The following ANO1 variants were observed in gnomAD, a reference collection of about 807,000 sequenced individuals.
ANO1 encodes the protein anoctamin-1.
ANO1 carries 59 observed loss-of-function variants against 124.0 expected under a neutral mutation model. That is an observed-to-expected ratio of 0.48 (90% CI 0.39 to 0.59). The LOEUF is 0.59. Ranked by LOEUF, ANO1 falls within the 20% of genes least tolerant of loss-of-function variation. The probability of loss-of-function intolerance (pLI) is 0.00; values close to 1 mark genes in which losing one functional copy is unlikely to be tolerated. For missense variants in ANO1, 1,059 were observed against 1,328.0 expected (o/e 0.80, Z 3.15); for synonymous variants, 529 against 532.0 (o/e 0.99, Z 0.08).
At chr11:70,141,376 G>C (rs561511037) in intron 11 of ANO1, among the ~76,000 whole-genome samples, 196 of 152,254 alleles carry the variant, frequency 1.3e-3, no homozygotes, top group African/African-American at 4.5e-3. Context: ...GGGAGTGGGG[G>C]ACTCTGTGCC....
At position 69,993,162 on chromosome 11, in the gene ANO1, C is replaced by T. The variant is rs535505428; in HGVS notation, c.58+6996C>T. ...CAGCCACCCCCTCCTGAGACAGCGC[C>T]CTGTCTTCAGCTGCACCCTTGTTTG... On this transcript the variant is annotated intron_variant, in intron 1 of 27. Transcript: ENST00000531349. Among the ~76,000 whole-genome samples the T allele has an allele frequency of 3.9e-5, 6 of 152,344 alleles. No homozygotes were observed. In the South Asian group the frequency reaches 1.2e-3, roughly 32 times the overall value.
Position 70,185,821 on chromosome 11 carries a change from G to A in ANO1, c.2694+126G>A, listed in dbSNP as rs1022122000. The A allele has an allele frequency of 1.3e-5, 14 of 1,063,148 alleles. No individual in the cohort carries two copies. The Admixed American group carries it at 3.2e-4, about 25-fold the overall frequency. 65.9% of individuals were successfully genotyped at this position (1,063,148 alleles called of 1,614,324 possible). On this transcript the variant is annotated intron_variant, in intron 25 of 25. Transcript: ENST00000355303. The stretch of plus-strand genomic sequence containing the variant: ...TCAGAGACTCCTCCAGAGGCTTGGA[G>A]AACTTGCTCTGGGACACCCGAGGAG...
intron 7 of ANO1, among the ~76,000 whole-genome samples, chr11:70,113,011 G>C (rs560010487): frequency 2.2e-3 from 329 of 152,268 alleles, no homozygotes; most frequent in African/African-American, 7.6e-3. Flanking sequence ...TCGCCTCCCT[G>C]TCAGGGCCTC....
chr11:69,970,804 C>T, the ANO1 span, among the ~76,000 whole-genome samples: 4 of 152,230 alleles, frequency 2.6e-5, no homozygotes, highest in Non-Finnish European at 5.9e-5. Flanking sequence ...ATGCAGTCAT[C>T]GGACACCCTG....
chr11:69,971,535 T>G, the ANO1 span, among the ~76,000 whole-genome samples: 1 of 152,312 alleles, frequency 6.6e-6, no homozygotes, highest in South Asian at 2.1e-4. Flanking sequence ...GAAAAAAACT[T>G]TTCATTTTTT....
chr11:70,046,903 G>A (rs1857267920), intron 1 of ANO1, among the ~76,000 whole-genome samples: 1 of 151,896 alleles, frequency 6.6e-6, no homozygotes, highest in South Asian at 2.1e-4. Context: ...GTGAAACCCT[G>A]TCTCTACTAA....
At chr11:69,990,115 C>A (rs1470637441) in intron 1 of ANO1, among the ~76,000 whole-genome samples, 1 of 152,164 alleles carries the variant, frequency 6.6e-6, no homozygotes, top group Non-Finnish European at 1.5e-5. Flanking sequence ...AGTAGGAATT[C>A]TGTATCCATT....
rs2047640176 is a variant in ANO1, at chr11:70,152,370, G to A, written c.1342-80G>A. 2.6e-6 allele frequency: 3 copies of A among 1,171,066 alleles called. No individual in the cohort carries two copies. The African/African-American group carries it at 4.6e-5, about 18-fold the overall frequency. 72.5% of individuals were successfully genotyped at this position (1,171,066 alleles called of 1,614,324 possible). A position where few individuals can be genotyped will look rare whatever the true frequency, so the allele number is the denominator to read the frequency against. On this transcript the variant is annotated intron_variant, in intron 12 of 25. Coordinates refer to ENST00000355303, the MANE Select transcript of ANO1 (RefSeq NM_018043.7). The stretch of plus-strand genomic sequence containing the variant: ...AAAAAAAAAAAAAGTTGTCCTTAGT[G>A]GACAGGTCCTATTTCTAAAATAACA...
intron 1 of ANO1, among the ~76,000 whole-genome samples, chr11:70,033,848 A>G (rs547566240): frequency 6.6e-6 from 1 of 152,270 alleles, no homozygotes; most frequent in East Asian, 1.9e-4. Flanking sequence ...TGGGTATGTG[A>G]CCTGTACAGT....
At chr11:70,016,134 TCTCCTGCTTCGGC>T (rs1555001939) in intron 1 of ANO1, among the ~76,000 whole-genome samples, 1 of 151,944 alleles carries the variant, frequency 6.6e-6, no homozygotes, top group African/African-American at 2.4e-5. Context: ...TTCAATGAAT[TCTCCTGCTTCGGC>T]CTCCTAAGTA....
At chr11:70,173,346 C>A (rs2048547475) in intron 22 of ANO1, among the ~76,000 whole-genome samples, 1 of 152,180 alleles carries the variant, frequency 6.6e-6, no homozygotes, top group Non-Finnish European at 1.5e-5. Flanking sequence ...TGCTTCCCTA[C>A]ATCACCTCTT....
upstream of ANO1, among the ~76,000 whole-genome samples, chr11:70,077,942 G>C (rs147216318): frequency 3.3e-5 from 5 of 152,272 alleles, no homozygotes; most frequent in East Asian, 9.8e-4. Context: ...AAGCTCCCCG[G>C]AGGAGGTGAG....
chr11:70,101,911 C>A (rs1174619062), intron 2 of ANO1, among the ~76,000 whole-genome samples: 2 of 152,216 alleles, frequency 1.3e-5, no homozygotes, highest in East Asian at 3.9e-4. Flanking sequence ...CCAAGGCCCC[C>A]ACTGCCTTTA....
At chr11:70,090,223 G>T (rs1030247128) in intron 2 of ANO1, among the ~76,000 whole-genome samples, 1 of 152,170 alleles carries the variant, frequency 6.6e-6, no homozygotes, top group Admixed American at 6.5e-5. Flanking sequence ...TAGCCAGGAT[G>T]GTCTCGATCT....
At chr11:69,967,143 A>T in the ANO1 span, among the ~76,000 whole-genome samples, 1 of 151,800 alleles carries the variant, frequency 6.6e-6, no homozygotes, top group Admixed American at 6.6e-5. Context: ...GGAGAACCAC[A>T]CGCTGTCTGT....
intron 1 of ANO1, among the ~76,000 whole-genome samples, chr11:70,084,977 T>C (rs1306345519): frequency 1.3e-5 from 2 of 151,990 alleles, no homozygotes; most frequent in Non-Finnish European, 2.9e-5. Context: ...AGGGTCAGCT[T>C]GTGGGGACTC....
intron 1 of ANO1, among the ~76,000 whole-genome samples, chr11:70,041,989 G>A (rs972062069): frequency 6.6e-6 from 1 of 152,098 alleles, no homozygotes; most frequent in African/African-American, 2.4e-5. Context: ...AAAGGAACTA[G>A]GGCACCTCAG....
chr11:70,124,676 G>A (rs2046421686), intron 9 of ANO1, among the ~76,000 whole-genome samples: 1 of 152,168 alleles, frequency 6.6e-6, no homozygotes, highest in Admixed American at 6.5e-5. Context: ...GCCTGGCCTG[G>A]CCTCACTGGG....
chr11:69,971,153 C>T, the ANO1 span, among the ~76,000 whole-genome samples: 3,687 of 152,240 alleles, frequency 0.024, 88 homozygotes, highest in African/African-American at 0.056. Context: ...AATTCCTAGT[C>T]CCTGTGCTGG....
Sources: gnomAD v4.1 joint callset for allele counts (sites outside exome capture counted in the v4.1 genomes callset) on GRCh38, gnomAD v4.1.1 for gene constraint, MANE v1.5 for transcripts, NCBI Gene and HGNC (gene_info 2026-07-23, HGNC 2026-07-21) for gene names.